The following CDK14 variants were observed in gnomAD, a reference collection of about 807,000 sequenced individuals.
CDK14 encodes cyclin dependent kinase 14.
In CDK14, 34 loss-of-function variants were observed where a neutral mutation model predicts 60.7. The observed-to-expected ratio is 0.56, with a 90% CI of 0.43 to 0.75. The LOEUF is 0.75. Among genes scored for constraint, CDK14 ranks in the 30% least tolerant of loss-of-function variants. The pLI, the probability that CDK14 is intolerant of heterozygous loss-of-function variation, is 0.00. For synonymous variants in CDK14, 197 were observed against 203.7 expected (o/e 0.97, Z 0.28); for missense variants, 482 against 564.1 (o/e 0.85, Z 1.47).
chr7:90,942,940 G>A (rs192880438), intron 8 of CDK14, among the ~76,000 whole-genome samples: 19 of 152,248 alleles, frequency 1.2e-4, no homozygotes, highest in Admixed American at 1.2e-3. Context: ...ACAGCTGGAA[G>A]CTTTGAAATG....
intron 2 of CDK14, among the ~76,000 whole-genome samples, chr7:90,697,106 C>G (rs941740282): frequency 6.6e-6 from 1 of 152,114 alleles, no homozygotes; most frequent in African/African-American, 2.4e-5. Context: ...TTGGGATCAA[C>G]TCCTCTTTTT....
chr7:90,643,650 A>G (rs1253079106), intron 2 of CDK14, among the ~76,000 whole-genome samples: 1 of 152,140 alleles, frequency 6.6e-6, no homozygotes, highest in Non-Finnish European at 1.5e-5. Flanking sequence ...CTTTATAATA[A>G]TACAGCGTGA....
intron 14 of CDK14, among the ~76,000 whole-genome samples, chr7:91,154,015 A>G (rs578222499): frequency 1.3e-5 from 2 of 152,316 alleles, no homozygotes; most frequent in African/African-American, 2.4e-5. Flanking sequence ...TCTGACTGCA[A>G]TGTGTAAATA....
intron 12 of CDK14, 100 bp from the exon 13 acceptor site, chr7:91,112,442 C>A: frequency 7.7e-7 from 1 of 1,297,250 alleles, no homozygotes; most frequent in Non-Finnish European, 1.1e-6. Context: ...TTTTTCTAGC[C>A]AGGAATAAAT....
At chr7:90,847,879 A>G (rs568663986) in intron 5 of CDK14, among the ~76,000 whole-genome samples, 61 of 152,288 alleles carry the variant, frequency 4.0e-4, no homozygotes, top group African/African-American at 1.5e-3. Context: ...GCTACGAAAA[A>G]TGTAATTTTT....
At chr7:91,149,722 C>G (rs1181653207) in intron 14 of CDK14, among the ~76,000 whole-genome samples, 4 of 152,148 alleles carry the variant, frequency 2.6e-5, no homozygotes, top group African/African-American at 9.7e-5. Context: ...TTAGCTAGCT[C>G]TAAACTGTTT....
rs1406375646 is a variant in CDK14 at position 90,696,342 on chromosome 7, T to TC, written c.124-30225_124-30224insC. On this transcript the variant is annotated intron_variant, in intron 2 of 14. Transcript: ENST00000380050. ...TGGTTTTGTACTTCTTCTTCTTTTT[T>TC]TTTTTTTTTTTTTTTTGAGACAGAG... is the stretch of plus-strand genomic sequence containing the variant. Among the ~76,000 whole-genome samples the TC allele has an allele frequency of 8.8e-4, 45 of 51,198 alleles. 1 individual carries two copies. In the South Asian group the frequency reaches 0.012, roughly 14 times the overall value. 33.6% of individuals were successfully genotyped at this position (51,198 alleles called of 152,430 possible).
intron 5 of CDK14, among the ~76,000 whole-genome samples, chr7:90,802,872 T>G: frequency 6.6e-6 from 1 of 152,238 alleles, no homozygotes; most frequent in East Asian, 1.9e-4. Flanking sequence ...TCATCTCTTA[T>G]GTCTTTGAGA....
Position 90,631,334 on chromosome 7 carries a change from C to T in CDK14, c.123+27085C>T, listed in dbSNP as rs376635343. On this transcript the variant is annotated intron_variant, in intron 2 of 14. Coordinates refer to ENST00000380050, the MANE Select transcript of CDK14 (RefSeq NM_001287135.2). ...GGCAGACTGTCCACCTGAGACCCAC[C>T]GTTCTGCTTCACTTGCATTTTCATT... 5.9e-5 allele frequency among the ~76,000 whole-genome samples: 9 copies of T among 152,274 alleles called. No homozygotes were observed. The South Asian group carries it at 6.2e-4, about 11-fold the overall frequency.
chr7:91,054,088 ATT>A (rs10675646), intron 11 of CDK14, among the ~76,000 whole-genome samples: 5 of 112,948 alleles, frequency 4.4e-5, no homozygotes, highest in Non-Finnish European at 5.0e-5. Context: ...CTGCAAAATA[ATT>A]TTTTTTTTTT....
chr7:90,808,160 T>C (rs2117029416), intron 5 of CDK14, among the ~76,000 whole-genome samples: 1 of 152,168 alleles, frequency 6.6e-6, no homozygotes, highest in East Asian at 1.9e-4. Flanking sequence ...AGACACATAA[T>C]TGTCAGGTTC....
At chr7:90,632,797 T>C (rs1392643153) in intron 2 of CDK14, among the ~76,000 whole-genome samples, 4 of 152,200 alleles carry the variant, frequency 2.6e-5, no homozygotes, top group Admixed American at 6.5e-5. Flanking sequence ...TTGTGAAAAT[T>C]TGTCTTACAG....
intron 6 of CDK14, among the ~76,000 whole-genome samples, chr7:90,868,085 G>A (rs910854898): frequency 4.6e-5 from 7 of 151,920 alleles, no homozygotes; most frequent in African/African-American, 1.7e-4. Context: ...AGCTACAATT[G>A]TACCACTAGA....
intron 12 of CDK14, among the ~76,000 whole-genome samples, chr7:91,105,901 G>T (rs1409060943): frequency 6.6e-6 from 1 of 151,882 alleles, no homozygotes; most frequent in African/African-American, 2.4e-5. Context: ...AAATGAACAG[G>T]GAAAATAGCA....
chr7:90,744,491 T>G (rs1803493235), intron 3 of CDK14, among the ~76,000 whole-genome samples: 1 of 152,214 alleles, frequency 6.6e-6, no homozygotes, highest in East Asian at 1.9e-4. Flanking sequence ...AAAACCGCCA[T>G]TGTCATCATG....
chr7:90,991,315 C>G (rs1314874374), intron 10 of CDK14, among the ~76,000 whole-genome samples: 1 of 152,102 alleles, frequency 6.6e-6, no homozygotes, highest in Non-Finnish European at 1.5e-5. Flanking sequence ...AAGAGACAAT[C>G]TTGGTTCCCA....
At chr7:90,858,646 C>T (rs1336109873) in intron 5 of CDK14, among the ~76,000 whole-genome samples, 1 of 152,064 alleles carries the variant, frequency 6.6e-6, no homozygotes, top group African/African-American at 2.4e-5. Context: ...CTGAAAAGTT[C>T]CCGTGCAGGC....
At chr7:91,174,099 G>C (rs1801634667) in intron 14 of CDK14, among the ~76,000 whole-genome samples, 2 of 152,144 alleles carry the variant, frequency 1.3e-5, no homozygotes, top group African/African-American at 4.8e-5. Flanking sequence ...CCAGCATGCA[G>C]CTGGAGATCT....
intron 3 of CDK14, among the ~76,000 whole-genome samples, chr7:90,735,489 T>A (rs1803058065): frequency 6.6e-6 from 1 of 152,226 alleles, no homozygotes; most frequent in Non-Finnish European, 1.5e-5. Context: ...GGCTGCTGCC[T>A]TTCTTTCAGA....
Sources: gnomAD v4.1 joint callset for allele counts (sites outside exome capture counted in the v4.1 genomes callset) on GRCh38, gnomAD v4.1.1 for gene constraint, MANE v1.5 for transcripts, NCBI Gene and HGNC (gene_info 2026-07-23, HGNC 2026-07-21) for gene names.